ADGRF1: variants seen among roughly 807,000 people sequenced by gnomAD.
The protein encoded by ADGRF1 is G protein-coupled receptor 110.
A neutral mutation model predicts 87.2 loss-of-function variants in ADGRF1; 85 were observed. The observed-to-expected ratio is 0.97, with a 90% CI of 0.82 to 1.17. The LOEUF is 1.17. Among genes scored for constraint, ADGRF1 ranks in the 50% most tolerant of loss-of-function variants. ADGRF1 has a pLI of 0.00. For synonymous variants in ADGRF1, 430 were observed against 408.8 expected (o/e 1.05, Z -0.63); for missense variants, 1,169 against 1,077.2 (o/e 1.09, Z -1.19).
At position 47,000,261 on chromosome 6, in the gene ADGRF1, G is replaced by T. The variant is rs182476385; in HGVS notation, c.2694C>A (p.Ser898=). 6.2e-7 allele frequency: 1 copy of T among 1,605,828 alleles called. No homozygotes were observed. The highest frequency in any genetic ancestry group is 2.2e-5 in the East Asian group (1 of 44,696). Residue 898 remains serine, a synonymous_variant, in exon 15 of 15, where the codon TCC becomes TCA. Coordinates refer to ENST00000371253, the MANE Select transcript of ADGRF1 (RefSeq NM_153840.4). ...CAAACTGAGTTAGCATGATGTTGTC[G>T]GAGGAATCTCCAGTATGAGAAAATG... ...HYAFSHTGDS[S]DNIMLTQFVS... is the part of the protein sequence containing the mutation.
In ADGRF1 at chr6:47,031,572, G is replaced by C. The variant is rs371751640; in HGVS notation, c.-43-2468C>G. ...TTGGACTTGCTACAGATGGTAAACT[G>C]TAACTTAGCATCAGAATTTCAGACA... On this transcript the variant is annotated intron_variant, in intron 1 of 14. Coordinates refer to ENST00000371253, the MANE Select transcript of ADGRF1 (RefSeq NM_153840.4). Among the ~76,000 whole-genome samples the C allele has an allele frequency of 2.4e-3, 370 of 152,222 alleles. 6 individuals carry two copies. The highest frequency in any genetic ancestry group is 0.024 in the South Asian group (115 of 4,818).
chr6:47,020,645 AG>A (rs1404477393), intron 7 of ADGRF1, 85 bp downstream of exon 7: 1 of 1,587,328 alleles, frequency 6.3e-7, no homozygotes, highest in Non-Finnish European at 8.6e-7. Context: ...GTTTTCTGTC[AG>A]GGTCACCTAA....
chr6:47,014,364 G>T (rs904083617), intron 9 of ADGRF1: 34 of 1,045,040 alleles, frequency 3.3e-5, no homozygotes, highest in Non-Finnish European at 3.8e-5. Flanking sequence ...AGGTCTTCTG[G>T]ACTTCTGAGG....
intron 9 of ADGRF1, 175 bp downstream of exon 9, chr6:47,014,506 C>T: frequency 1.4e-6 from 2 of 1,384,462 alleles, no homozygotes; most frequent in South Asian, 1.7e-5. Context: ...TGCCCAGACG[C>T]TACCACTCAT....
intron 6 of ADGRF1, among the ~76,000 whole-genome samples, chr6:47,021,387 G>A (rs1343245761): frequency 6.6e-6 from 1 of 151,978 alleles, no homozygotes; most frequent in Non-Finnish European, 1.5e-5. Flanking sequence ...TTGATGTGGA[G>A]TCTCACTCTG....
intron 1 of ADGRF1, among the ~76,000 whole-genome samples, chr6:47,035,626 A>C (rs904148131): frequency 6.6e-6 from 1 of 152,176 alleles, no homozygotes; most frequent in Admixed American, 6.5e-5. Flanking sequence ...CTATTTCCCT[A>C]AATTTCTCAG....
Position 47,003,435 on chromosome 6 carries a change from T to C in ADGRF1, c.2593-1868A>G, listed in dbSNP as rs1779419701. 2.0e-5 allele frequency among the ~76,000 whole-genome samples: 3 copies of C among 152,232 alleles called. 1 individual carries two copies. The South Asian group carries it at 6.2e-4, about 32-fold the overall frequency. ...TCCCTTCCCTTTCTAGATCTTTTTC[T>C]GATCCTGAAGAGATTAGCTGAGAGT... On this transcript the variant is annotated intron_variant, in intron 13 of 14. Transcript: ENST00000371253.
intron 1 of ADGRF1, among the ~76,000 whole-genome samples, chr6:47,037,414 A>C (rs6927248): frequency 0.74 from 112,244 of 152,136 alleles, 41,407 homozygotes; most frequent in Admixed American, 0.78. Context: ...CATCTTTAAA[A>C]CTTTTGCCTT....
chr6:47,007,414 AAG>A, intron 11 of ADGRF1, 120 bp from the exon 12 acceptor site: 1 of 593,186 alleles, frequency 1.7e-6, no homozygotes, highest in Non-Finnish European at 3.0e-6. Context: ...CTGTCTCCTT[AAG>A]AGACTGTAGT....
intron 13 of ADGRF1, chr6:47,002,043 C>T (rs1779378651): frequency 6.5e-6 from 1 of 152,812 alleles, no homozygotes; most frequent in Admixed American, 6.5e-5. Flanking sequence ...ATATAGAGTT[C>T]AATAATTTAA....
chr6:47,037,363 T>C (rs1282172147), intron 1 of ADGRF1, among the ~76,000 whole-genome samples: 1 of 152,244 alleles, frequency 6.6e-6, no homozygotes, highest in African/African-American at 2.4e-5. Flanking sequence ...TCTTTTGTCT[T>C]TGTCGCTCCT....
Position 47,014,697 on chromosome 6 carries a change from A to G in ADGRF1, c.911T>C (p.Leu304Pro). 6.2e-7 allele frequency: 1 copy of G among 1,613,584 alleles called. No individual in the cohort carries two copies. ...VIRETCVLSL[L>P]EELNKNFSMI... is the part of the protein sequence containing the mutation. ...ATGCCTCACCTTGTTCAGTTCTTCA[A>G]GCAGAGAGAGCACACAAGTCTCCCT... The change falls in exon 9 of 15, where the codon CTT (leucine) becomes CCT (proline). Residue 304 changes from leucine (L) to proline (P), a missense_variant. Transcript: ENST00000371253.
In ADGRF1 at chr6:47,013,072, C is replaced by A. The variant is rs143907713; in HGVS notation, c.928-877G>T. The A allele has an allele frequency of 8.5e-3, 8,344 of 985,412 alleles. 45 individuals are homozygous for A. Among genetic ancestry groups the A allele is most frequent in the Non-Finnish European group, 9.5e-3 (7,914 of 829,982 alleles). 61.0% of individuals were successfully genotyped at this position (985,412 alleles called of 1,614,324 possible). Reference sequence around the variant, plus strand: ...CAGGCATGAGCCACTGCACCCGGCCCTAGATTTGGAATTTTACTTCTTTCT... The same window carrying A: ...CAGGCATGAGCCACTGCACCCGGCCATAGATTTGGAATTTTACTTCTTTCT... On this transcript the variant is annotated intron_variant, in intron 9 of 14. Transcript: ENST00000371253.
intron 9 of ADGRF1, chr6:47,013,868 A>G: frequency 7.0e-6 from 1 of 142,562 alleles, no homozygotes; most frequent in East Asian, 2.1e-4. Flanking sequence ...TTCTCTCTCC[A>G]TCTCTCTCTT....
rs146299780 is a variant in ADGRF1, at chr6:47,036,046, C to A, written c.-44+6145G>T. On this transcript the variant is annotated intron_variant, in intron 1 of 14. Coordinates refer to ENST00000371253, the MANE Select transcript of ADGRF1 (RefSeq NM_153840.4). ...AGGAGTTCGAGACCAGCCTGGGCAA[C>A]ATGGTGAAACCCCATCTCTACTAAA... Among the ~76,000 whole-genome samples the A allele has an allele frequency of 1.4e-3, 215 of 152,274 alleles. 3 individuals are homozygous for A. The highest frequency in any genetic ancestry group is 6.8e-3 in the Middle Eastern group (2 of 294).
chr6:47,010,794 A>G (rs1779682895), intron 10 of ADGRF1, among the ~76,000 whole-genome samples: 1 of 152,204 alleles, frequency 6.6e-6, no homozygotes. Flanking sequence ...CTTGTTTACT[A>G]TAGTTTTTAT....
rs1780064853 is a variant in ADGRF1, at chr6:47,021,895, T to C, written c.552+63A>G. On this transcript the variant is annotated intron_variant, in intron 6 of 14. Transcript: ENST00000371253. ...ATATGTATTAAATATACATGCTGAA[T>C]TGAAAACATTTGAACTTGAGTGTAG... is the stretch of plus-strand genomic sequence containing the variant. 5.8e-6 allele frequency: 5 copies of C among 865,310 alleles called. No homozygotes were observed. The East Asian group carries it at 1.0e-4, about 17-fold the overall frequency. The allele number at this position is 865,310 out of a possible 1,614,324, so 53.6% of individuals were successfully genotyped here. A position where few individuals can be genotyped will look rare whatever the true frequency, so the allele number is the denominator to read the frequency against.
At chr6:47,034,508 ACTC>A (rs1402525648) in intron 1 of ADGRF1, among the ~76,000 whole-genome samples, 1 of 151,928 alleles carries the variant, frequency 6.6e-6, no homozygotes. Flanking sequence ...TGGCTCAGTC[ACTC>A]CTCCCCCAGG....
At chr6:47,019,272 C>A in intron 7 of ADGRF1, 3 of 957,204 alleles carry the variant, frequency 3.1e-6, no homozygotes, top group Non-Finnish European at 3.7e-6. Flanking sequence ...ACTGTATAAA[C>A]CTCAATATAA....
Sources: allele counts gnomAD v4.1 joint callset (sites outside exome capture counted in the v4.1 genomes callset), GRCh38; gene constraint gnomAD v4.1.1; transcripts MANE v1.5; gene names NCBI Gene and HGNC (gene_info 2026-07-23, HGNC 2026-07-21).